The following MAPKAP1 variants were observed in gnomAD, a reference collection of about 807,000 sequenced individuals.
MAPKAP1 encodes the protein target of rapamycin complex 2 subunit MAPKAP1.
In MAPKAP1, 20 loss-of-function variants were observed where a neutral mutation model predicts 65.7. That is an observed-to-expected ratio of 0.30 (90% CI 0.21 to 0.44). The LOEUF is 0.44. Among genes scored for constraint, MAPKAP1 ranks in the 20% least tolerant of loss-of-function variants. The pLI, the probability that MAPKAP1 is intolerant of heterozygous loss-of-function variation, is 1.00. For synonymous variants in MAPKAP1, 222 were observed against 244.3 expected (o/e 0.91, Z 0.85); for missense variants, 423 against 648.0 (o/e 0.65, Z 3.77).
intron 7 of MAPKAP1, among the ~76,000 whole-genome samples, chr9:125,525,695 A>G (rs530612243): frequency 6.7e-6 from 1 of 149,686 alleles, no homozygotes; most frequent in Admixed American, 6.6e-5. Flanking sequence ...AAAAACAAAA[A>G]CAAAAACAAA....
intron 9 of MAPKAP1, among the ~76,000 whole-genome samples, chr9:125,474,679 C>G (rs746029608): frequency 6.6e-6 from 1 of 152,218 alleles, no homozygotes; most frequent in Admixed American, 6.5e-5. Context: ...TCTTAAAATA[C>G]CCCCTTAAAA....
chr9:125,455,517 C>A (rs1439025766), intron 10 of MAPKAP1, among the ~76,000 whole-genome samples: 1 of 151,638 alleles, frequency 6.6e-6, no homozygotes, highest in African/African-American at 2.4e-5. Flanking sequence ...AAAAATTTCA[C>A]ATTTTTTATT....
Position 125,678,802 on chromosome 9 carries a change from T to A in MAPKAP1, c.-69-6159A>T, listed in dbSNP as rs935119543. Among the ~76,000 whole-genome samples, 3 of 152,168 alleles carry A rather than the reference T, an allele frequency of 2.0e-5. No individual in the cohort carries two copies. In the South Asian group the frequency reaches 6.2e-4, roughly 32 times the overall value. The stretch of plus-strand genomic sequence containing the variant: ...GTCTTAATATAATTTTGGATAATTT[T>A]ACATACACTCATTTCCAAACTTTAT... On this transcript the variant is annotated intron_variant, in intron 1 of 11. Transcript: ENST00000265960.
Position 125,525,702 on chromosome 9 carries a change from C to CAA in MAPKAP1, c.958+17355_958+17356dup, listed in dbSNP as rs751356360. 2.0e-3 allele frequency among the ~76,000 whole-genome samples: 279 copies of CAA among 140,810 alleles called. 1 individual carries two copies. Among genetic ancestry groups the CAA allele is most frequent in the South Asian group, 3.4e-3 (15 of 4,396 alleles). 92.4% of individuals were successfully genotyped at this position (140,810 alleles called of 152,430 possible). On this transcript the variant is annotated intron_variant, in intron 7 of 11. Transcript: ENST00000265960. ...CAAAACAAAAAAACAAAAACAAAAA[C>CAA]AAACAAAAAAAAAAAAAGGAAAAGT...
intron 1 of MAPKAP1, among the ~76,000 whole-genome samples, chr9:125,681,657 C>T (rs1192898351): frequency 6.6e-6 from 1 of 152,210 alleles, no homozygotes; most frequent in Non-Finnish European, 1.5e-5. Flanking sequence ...GGGACAGTGA[C>T]CATAAATCAA....
intron 8 of MAPKAP1, among the ~76,000 whole-genome samples, chr9:125,503,134 T>G (rs1465134567): frequency 6.6e-6 from 1 of 152,246 alleles, no homozygotes. Flanking sequence ...TACCCTTGTT[T>G]TAGGTATTTG....
intron 4 of MAPKAP1, among the ~76,000 whole-genome samples, chr9:125,617,909 T>C (rs1832791095): frequency 1.3e-5 from 2 of 152,232 alleles, no homozygotes; most frequent in South Asian, 4.1e-4. Flanking sequence ...GTGACTATTA[T>C]ACAACTGTTT....
Position 125,669,761 on chromosome 9 carries a change from A to T in MAPKAP1, c.349+57T>A. On this transcript the variant is annotated intron_variant, in intron 3 of 11. Coordinates refer to ENST00000265960, the MANE Select transcript of MAPKAP1 (RefSeq NM_001006617.3). ...GGATGAATTAAAAATAAAAGTTCTT[A>T]TATAATAAACTAAATATATAAATCT... is the stretch of plus-strand genomic sequence containing the variant. 4.6e-6 allele frequency: 4 copies of T among 875,904 alleles called. No homozygotes were observed. In the South Asian group the frequency reaches 7.3e-5, roughly 16 times the overall value. The allele number at this position is 875,904 out of a possible 1,614,324, so 54.3% of individuals were successfully genotyped here. A position where few individuals can be genotyped will look rare whatever the true frequency, so the allele number is the denominator to read the frequency against.
At chr9:125,643,679 C>T (rs1290201190) in intron 4 of MAPKAP1, among the ~76,000 whole-genome samples, 1 of 152,144 alleles carries the variant, frequency 6.6e-6, no homozygotes, top group African/African-American at 2.4e-5. Context: ...TTCAGTAATA[C>T]ACAATGAAAA....
Position 125,616,351 on chromosome 9 carries a change from A to T in MAPKAP1, c.499-30624T>A, listed in dbSNP as rs140109504. 3.8e-3 allele frequency among the ~76,000 whole-genome samples: 579 copies of T among 152,342 alleles called. 1 individual carries two copies. The highest frequency in any genetic ancestry group is 0.017 in the Middle Eastern group (5 of 294). On this transcript the variant is annotated intron_variant, in intron 4 of 11. Transcript: ENST00000265960. Reference sequence around the variant, plus strand: ...AAAGCAATAATGAAGCAAAAGACTGATAATTCAATACATTAAAAACAAGAA... The same window carrying T: ...AAAGCAATAATGAAGCAAAAGACTGTTAATTCAATACATTAAAAACAAGAA...
intron 11 of MAPKAP1, 111 bp downstream of exon 11, chr9:125,444,390 G>A (rs530878835): frequency 2.1e-5 from 17 of 820,244 alleles, no homozygotes; most frequent in South Asian, 5.4e-5. Context: ...AACTGGGCCC[G>A]GGAACCTTCT....
intron 3 of MAPKAP1, among the ~76,000 whole-genome samples, chr9:125,668,650 A>G (rs1227181159): frequency 1.3e-5 from 2 of 152,210 alleles, no homozygotes; most frequent in African/African-American, 4.8e-5. Context: ...TTTTCTCCCC[A>G]AGTCTTTTCT....
At chr9:125,614,374 A>G (rs1452955863) in intron 4 of MAPKAP1, among the ~76,000 whole-genome samples, 1 of 152,218 alleles carries the variant, frequency 6.6e-6, no homozygotes, top group East Asian at 1.9e-4. Context: ...TTGTAATCCC[A>G]GCACTTTGGG....
intron 10 of MAPKAP1, among the ~76,000 whole-genome samples, chr9:125,457,613 C>A (rs958608327): frequency 6.6e-6 from 1 of 152,230 alleles, no homozygotes; most frequent in African/African-American, 2.4e-5. Context: ...GAGTATTGGG[C>A]TTTGTTCTGG....
chr9:125,613,164 T>C (rs1284643641), intron 4 of MAPKAP1, among the ~76,000 whole-genome samples: 2 of 152,150 alleles, frequency 1.3e-5, no homozygotes, highest in African/African-American at 4.8e-5. Context: ...TAACCCTCTT[T>C]GTATAAATTT....
chr9:125,608,679 C>A (rs951275087), intron 4 of MAPKAP1, among the ~76,000 whole-genome samples: 3 of 152,196 alleles, frequency 2.0e-5, no homozygotes, highest in Admixed American at 6.5e-5. Flanking sequence ...GCTTTTCCGA[C>A]GCCTGCGCTC....
At position 125,548,438 on chromosome 9, in the gene MAPKAP1, T is replaced by C. The variant is rs1161187821; in HGVS notation, c.849-5270A>G. Among the ~76,000 whole-genome samples, 4 of 152,288 alleles carry C rather than the reference T, an allele frequency of 2.6e-5. No homozygotes were observed. The East Asian group carries it at 7.7e-4, about 29-fold the overall frequency. On this transcript the variant is annotated intron_variant, in intron 6 of 11. Transcript: ENST00000265960. ...AACATCATTTAGCTCTAAACCATGC[T>C]AGGAGAGACGGTGGCAGCACCAGAA...
intron 9 of MAPKAP1, among the ~76,000 whole-genome samples, chr9:125,469,594 T>A (rs772939001): frequency 1.3e-4 from 20 of 152,220 alleles, no homozygotes; most frequent in Non-Finnish European, 2.8e-4. Flanking sequence ...CAGAGATGGC[T>A]GCTGTACCCT....
chr9:125,573,898 G>C (rs1831315068), intron 5 of MAPKAP1, among the ~76,000 whole-genome samples: 1 of 152,126 alleles, frequency 6.6e-6, no homozygotes, highest in South Asian at 2.1e-4. Context: ...CAGTTTTAAA[G>C]CAAACATTAT....
Sources: allele counts gnomAD v4.1 joint callset (sites outside exome capture counted in the v4.1 genomes callset), GRCh38; gene constraint gnomAD v4.1.1; transcripts MANE v1.5; gene names NCBI Gene and HGNC (gene_info 2026-07-23, HGNC 2026-07-21).